NID2: variants seen among roughly 807,000 people sequenced by gnomAD.
NID2 encodes nidogen-2.
NID2 carries 83 observed loss-of-function variants against 145.4 expected under a neutral mutation model. That is an observed-to-expected ratio of 0.57 (90% CI 0.48 to 0.69). The LOEUF is 0.69. Among genes scored for constraint, NID2 ranks in the 30% least tolerant of loss-of-function variants. The probability of loss-of-function intolerance (pLI) is 0.00; values close to 1 mark genes in which losing one functional copy is unlikely to be tolerated. For synonymous variants in NID2, 739 were observed against 701.3 expected (o/e 1.05, Z -0.85); for missense variants, 1,807 against 1,765.7 (o/e 1.02, Z -0.42).
Position 52,029,508 on chromosome 14 carries a change from A to G in NID2, c.2401+39T>C, listed in dbSNP as rs1566754301. 3 of 1,584,116 alleles carry G rather than the reference A, an allele frequency of 1.9e-6. No homozygotes were observed. In the Admixed American group the frequency reaches 5.1e-5, roughly 27 times the overall value. On this transcript the variant is annotated intron_variant, in intron 10 of 21. Coordinates refer to ENST00000216286, the MANE Select transcript of NID2 (RefSeq NM_007361.4). ...AGGCTGGGGAGGGCAGAGGAAAAAC[A>G]AGGGCTACAAGAAGGAGACACGAGA... is the stretch of plus-strand genomic sequence containing the variant.
chr14:52,051,510 C>T (rs548463105), intron 5 of NID2, among the ~76,000 whole-genome samples: 90 of 152,308 alleles, frequency 5.9e-4, no homozygotes, highest in African/African-American at 1.9e-3. Context: ...CAGGCAGATG[C>T]CACATGGCTG....
At chr14:52,015,792 G>A (rs1409686142) in intron 14 of NID2, among the ~76,000 whole-genome samples, 1 of 152,216 alleles carries the variant, frequency 6.6e-6, no homozygotes. Flanking sequence ...CGACTGGCCA[G>A]TGTGTGTCTT....
chr14:52,024,593 A>G (rs1223517585), intron 12 of NID2, among the ~76,000 whole-genome samples: 1 of 152,176 alleles, frequency 6.6e-6, no homozygotes, highest in Non-Finnish European at 1.5e-5. Context: ...TGGACCACTG[A>G]TATTAAATGT....
chr14:52,011,760 G>C (rs1891039447), intron 16 of NID2, 77 bp from the exon 17 acceptor site: 6 of 1,538,148 alleles, frequency 3.9e-6, no homozygotes, highest in Non-Finnish European at 5.4e-6. Context: ...CCTTGCTCAT[G>C]CACAGCTGCA....
intron 2 of NID2, 23 bp from the exon 3 acceptor site, chr14:52,060,379 AGAGAGAG>A: frequency 1.3e-6 from 1 of 759,904 alleles, no homozygotes; most frequent in African/African-American, 2.0e-5. Context: ...AAAAAAAAAA[AGAGAGAG>A]AGAGAGAGAG....
chr14:52,068,832 T>A lies in NID2; in HGVS notation c.163A>T (p.Ser55Cys), dbSNP rs1479861313. Residue 55 changes from serine to cysteine, a missense_variant, in exon 1 of 22, where the codon AGC becomes TGC. Physicochemically the swap from Ser to Cys is moderately radical, Grantham distance 112. Coordinates refer to ENST00000216286, the MANE Select transcript of NID2 (RefSeq NM_007361.4). The part of the protein sequence containing the change: ...DQLLQEGDDE[S>C]SAVVKLANPL... ...TTCGCCAGCTTCACCACGGCTGAGC[T>A]TTCGTCGTCGCCTTCCTGCAGGAGC... 4 of 1,612,370 alleles carry A rather than the reference T, an allele frequency of 2.5e-6. No homozygotes were observed. Among genetic ancestry groups the A allele is most frequent in the Non-Finnish European group, 3.4e-6 (4 of 1,180,010 alleles).
chr14:52,012,861 T>C (rs1393073397), intron 16 of NID2, among the ~76,000 whole-genome samples: 2 of 152,234 alleles, frequency 1.3e-5, no homozygotes, highest in African/African-American at 2.4e-5. Context: ...TAGCTGGCTG[T>C]CCCTGAGGTC....
chr14:52,030,500 AG>A (rs1357780443), intron 9 of NID2, among the ~76,000 whole-genome samples: 110 of 35,656 alleles, frequency 3.1e-3, no homozygotes, highest in South Asian at 7.7e-3. Context: ...AAAGAAAGAA[AG>A]AGAAAGAAAG....
At chr14:52,005,916 C>G in intron 20 of NID2, 67 bp from the exon 21 acceptor site, 1 of 1,205,288 alleles carries the variant, frequency 8.3e-7, no homozygotes, top group Non-Finnish European at 1.2e-6. Flanking sequence ...CAGTCAGCCA[C>G]AGAAAATCAG....
chr14:52,019,339 G>A (rs761871061), intron 13 of NID2, 45 bp from the exon 14 acceptor site: 1 of 1,469,764 alleles, frequency 6.8e-7, no homozygotes, highest in Non-Finnish European at 9.2e-7. Context: ...GAAATAGAAG[G>A]CATTGCAACC....
intron 9 of NID2, among the ~76,000 whole-genome samples, chr14:52,034,281 A>T (rs1286894877): frequency 1.4e-5 from 2 of 146,324 alleles, no homozygotes; most frequent in Non-Finnish European, 3.0e-5. Flanking sequence ...ATGGTTCCAG[A>T]ATCTGAATGG....
At chr14:52,026,556 T>A (rs1459335792) in intron 12 of NID2, among the ~76,000 whole-genome samples, 1 of 152,254 alleles carries the variant, frequency 6.6e-6, no homozygotes, top group Non-Finnish European at 1.5e-5. Flanking sequence ...ATGATTTCTA[T>A]TTTAAAGTAC....
chr14:52,011,440 C>A, intron 17 of NID2, 114 bp downstream of exon 17: 1 of 1,338,430 alleles, frequency 7.5e-7, no homozygotes, highest in Non-Finnish European at 1.0e-6. Context: ...AAATGACTTG[C>A]CTAGAACTTA....
At chr14:52,043,189 T>G (rs1312462364) in intron 5 of NID2, among the ~76,000 whole-genome samples, 1 of 152,092 alleles carries the variant, frequency 6.6e-6, no homozygotes, top group Non-Finnish European at 1.5e-5. Context: ...TGGGTTTGAG[T>G]GCAGTAAAAT....
chr14:52,057,137 G>A (rs1826870), intron 3 of NID2, among the ~76,000 whole-genome samples: 104,442 of 151,932 alleles, frequency 0.69, 36,722 homozygotes, highest in Non-Finnish European at 0.78. Flanking sequence ...AACCCCCTGG[G>A]CTCAAGTGAT....
intron 8 of NID2, among the ~76,000 whole-genome samples, chr14:52,039,456 C>T (rs557316837): frequency 6.6e-6 from 1 of 152,320 alleles, no homozygotes; most frequent in Admixed American, 6.5e-5. Flanking sequence ...CTTCCAACAC[C>T]TCGCACTTCA....
intron 13 of NID2, 29 bp downstream of exon 13, chr14:52,020,030 T>C (rs752022831): frequency 1.9e-6 from 3 of 1,612,096 alleles, no homozygotes; most frequent in East Asian, 4.5e-5. Context: ...AAGAGATTCA[T>C]GTGCCTAATC....
chr14:52,051,012 GCTC>G (rs1345149510), intron 5 of NID2, among the ~76,000 whole-genome samples: 6 of 152,174 alleles, frequency 3.9e-5, no homozygotes, highest in Non-Finnish European at 2.9e-5. Flanking sequence ...AACGACCAGA[GCTC>G]CCTGGAAACA....
chr14:52,037,757 T>G (rs554357080), intron 9 of NID2, among the ~76,000 whole-genome samples: 1 of 152,254 alleles, frequency 6.6e-6, no homozygotes, highest in Non-Finnish European at 1.5e-5. Flanking sequence ...ATCTTAACAG[T>G]ATTAAGTCTT....
Sources: gnomAD v4.1 joint callset for allele counts (sites outside exome capture counted in the v4.1 genomes callset) on GRCh38, gnomAD v4.1.1 for gene constraint, MANE v1.5 for transcripts, NCBI Gene and HGNC (gene_info 2026-07-23, HGNC 2026-07-21) for gene names.